The following UNC5D variants were observed in gnomAD, a reference collection of about 807,000 sequenced individuals.
The protein encoded by UNC5D is netrin receptor UNC5D.
A neutral mutation model predicts 105.4 loss-of-function variants in UNC5D; 39 were observed. The observed-to-expected ratio is 0.37, with a 90% CI of 0.29 to 0.48. The LOEUF is 0.48. Among genes scored for constraint, UNC5D ranks in the 20% least tolerant of loss-of-function variants. The pLI is 0.98. For missense variants in UNC5D, 991 were observed against 1,202.4 expected (o/e 0.82, Z 2.60); for synonymous variants, 452 against 450.4 (o/e 1.00, Z -0.04).
chr8:35,544,595 GTTTTTTTTTTTTT>G lies in UNC5D; in HGVS notation c.104-4684_104-4672del, dbSNP rs775831187. ...CAACCACACCTATTCTTTCGTTTTC[GTTTTTTTTTTTTT>G]TTTTTTTTTTTTGAGACAGAGTCTC... On this transcript the variant is annotated intron_variant, in intron 1 of 16. Transcript: ENST00000404895. The G allele has an allele frequency of 2.3e-5, 13 of 573,130 alleles. No individual in the cohort carries two copies. In the Admixed American group the frequency reaches 3.2e-4, roughly 14 times the overall value. 35.5% of individuals were successfully genotyped at this position (573,130 alleles called of 1,614,324 possible).
intron 1 of UNC5D, among the ~76,000 whole-genome samples, chr8:35,295,207 TGTAA>T (rs1319637718): frequency 6.6e-6 from 1 of 152,224 alleles, no homozygotes; most frequent in Non-Finnish European, 1.5e-5. Flanking sequence ...ATGTGTTATC[TGTAA>T]GTGTTTGTGT....
At chr8:35,569,421 A>T (rs1272263266) in intron 3 of UNC5D, among the ~76,000 whole-genome samples, 1 of 152,234 alleles carries the variant, frequency 6.6e-6, no homozygotes, top group African/African-American at 2.4e-5. Context: ...TGGTTTAGAG[A>T]TTAATAATAG....
chr8:35,640,889 G>T (rs72634961), intron 4 of UNC5D, among the ~76,000 whole-genome samples: 2 of 151,848 alleles, frequency 1.3e-5, no homozygotes, highest in Non-Finnish European at 2.9e-5. Context: ...TCATTTAAAC[G>T]TAACTCTCTG....
In UNC5D at chr8:35,555,751, G is replaced by A. The variant is rs541226268; in HGVS notation, c.322+6241G>A. ...TGAGGCAGGAGAATCACTTGAACCCGAAAGGTAGAGGTTGCAGTGAGCTGA... is the reference window on the plus strand; with the variant it reads ...TGAGGCAGGAGAATCACTTGAACCCAAAAGGTAGAGGTTGCAGTGAGCTGA... On this transcript the variant is annotated intron_variant, in intron 2 of 16. Coordinates refer to ENST00000404895, the MANE Select transcript of UNC5D (RefSeq NM_080872.4). Among the ~76,000 whole-genome samples, 9 of 151,410 alleles carry A rather than the reference G, an allele frequency of 5.9e-5. No homozygotes were observed. In the East Asian group the frequency reaches 9.7e-4, roughly 16 times the overall value.
intron 1 of UNC5D, among the ~76,000 whole-genome samples, chr8:35,515,209 T>C (rs1348972164): frequency 6.6e-6 from 1 of 152,226 alleles, no homozygotes; most frequent in Non-Finnish European, 1.5e-5. Flanking sequence ...TCTGAATTAA[T>C]TGCCTGAAAT....
intron 13 of UNC5D, among the ~76,000 whole-genome samples, chr8:35,751,784 T>C (rs915507402): frequency 1.3e-5 from 2 of 152,186 alleles, no homozygotes; most frequent in African/African-American, 4.8e-5. Flanking sequence ...GAACATTGTG[T>C]GCTAAATTAT....
intron 1 of UNC5D, among the ~76,000 whole-genome samples, chr8:35,236,760 C>T (rs1263066115): frequency 6.6e-6 from 1 of 152,188 alleles, no homozygotes; most frequent in East Asian, 1.9e-4. Flanking sequence ...TGAAGATGAT[C>T]AGAGGCAGTT....
chr8:35,454,233 T>A (rs1489909876), intron 1 of UNC5D, among the ~76,000 whole-genome samples: 1 of 151,998 alleles, frequency 6.6e-6, no homozygotes, highest in Non-Finnish European at 1.5e-5. Context: ...GAGGGGGAAG[T>A]TCCAGGTCTT....
At chr8:35,672,431 G>A (rs768328700) in intron 4 of UNC5D, among the ~76,000 whole-genome samples, 17 of 152,110 alleles carry the variant, frequency 1.1e-4, no homozygotes, top group Admixed American at 3.3e-4. Context: ...TAAGATGAAA[G>A]GGCACATCAC....
intron 1 of UNC5D, among the ~76,000 whole-genome samples, chr8:35,436,493 G>A (rs941996632): frequency 6.6e-6 from 1 of 151,952 alleles, no homozygotes; most frequent in Non-Finnish European, 1.5e-5. Flanking sequence ...CCTGAACTGA[G>A]TCCTTTTCTG....
At chr8:35,382,001 A>G (rs1443539478) in intron 1 of UNC5D, among the ~76,000 whole-genome samples, 1 of 152,228 alleles carries the variant, frequency 6.6e-6, no homozygotes, top group Non-Finnish European at 1.5e-5. Context: ...GTTGGATGTG[A>G]TTTCAAAAGT....
chr8:35,552,542 C>T (rs1443073045), intron 2 of UNC5D, among the ~76,000 whole-genome samples: 1 of 152,176 alleles, frequency 6.6e-6, no homozygotes, highest in Non-Finnish European at 1.5e-5. Context: ...CCATTTCTTC[C>T]ATCTTCGTAA....
chr8:35,305,559 C>CT (rs1808273341), intron 1 of UNC5D, among the ~76,000 whole-genome samples: 2 of 81,046 alleles, frequency 2.5e-5, no homozygotes, highest in Non-Finnish European at 4.8e-5. Flanking sequence ...TCTTCTCTTC[C>CT]TTCCTTTCTT....
intron 1 of UNC5D, among the ~76,000 whole-genome samples, chr8:35,496,231 C>T (rs146279874): frequency 6.6e-6 from 1 of 152,214 alleles, no homozygotes; most frequent in Non-Finnish European, 1.5e-5. Flanking sequence ...AGGTAAGTAT[C>T]TGTGAGTAGG....
At chr8:35,731,902 G>C (rs1434329409) in intron 11 of UNC5D, among the ~76,000 whole-genome samples, 1 of 152,174 alleles carries the variant, frequency 6.6e-6, no homozygotes, top group Non-Finnish European at 1.5e-5. Flanking sequence ...AATTTCAGCA[G>C]CATTAAATTC....
At chr8:35,694,557 G>C (rs1826623493) in intron 7 of UNC5D, among the ~76,000 whole-genome samples, 1 of 152,048 alleles carries the variant, frequency 6.6e-6, no homozygotes, top group African/African-American at 2.4e-5. Context: ...ATTTCTCTAA[G>C]CTTAAATTTG....
intron 4 of UNC5D, among the ~76,000 whole-genome samples, chr8:35,642,195 C>T (rs781673133): frequency 2.6e-5 from 4 of 152,090 alleles, no homozygotes; most frequent in Admixed American, 6.6e-5. Context: ...CACATTCATA[C>T]GATCAGAATT....
Position 35,396,301 on chromosome 8 carries a change from C to T in UNC5D, c.104-152991C>T, listed in dbSNP as rs148711808. ...TGATGCATTACAACGAAAGGTTACA[C>T]AGCAAAATCAGCAAAGGGAAAAGGC... On this transcript the variant is annotated intron_variant, in intron 1 of 16. Coordinates refer to ENST00000404895, the MANE Select transcript of UNC5D (RefSeq NM_080872.4). 3.6e-3 allele frequency among the ~76,000 whole-genome samples: 548 copies of T among 152,154 alleles called. 2 individuals are homozygous for T. The highest frequency in any genetic ancestry group is 0.012 in the African/African-American group (496 of 41,498).
At chr8:35,403,254 G>A (rs182391254) in intron 1 of UNC5D, among the ~76,000 whole-genome samples, 1 of 152,248 alleles carries the variant, frequency 6.6e-6, no homozygotes, top group African/African-American at 2.4e-5. Context: ...TGCATTCAGG[G>A]CACCTCCTTA....
Sources: allele counts gnomAD v4.1 joint callset (sites outside exome capture counted in the v4.1 genomes callset), GRCh38; gene constraint gnomAD v4.1.1; transcripts MANE v1.5; gene names NCBI Gene and HGNC (gene_info 2026-07-23, HGNC 2026-07-21).